Variants in RAD51B observed in about 807,000 individuals in gnomAD.
RAD51B encodes the protein RAD51 paralog B, also known as DNA repair protein RAD51 homolog 2.
RAD51B carries 38 observed loss-of-function variants against 42.2 expected under a neutral mutation model. The observed-to-expected ratio is 0.90, with a 90% CI of 0.70 to 1.18. RAD51B has a LOEUF of 1.18. Among genes scored for constraint, RAD51B ranks in the 50% most tolerant of loss-of-function variants. The pLI is 0.00. For missense variants in RAD51B, 373 were observed against 400.7 expected, an observed-to-expected ratio of 0.93 and a Z score of 0.59; for synonymous variants, 154 against 145.2, an observed-to-expected ratio of 1.06 and a Z score of -0.43.
At chr14:68,667,063 T>C (rs1893046102) in intron 11 of RAD51B, among the ~76,000 whole-genome samples, 1 of 152,230 alleles carries the variant, frequency 6.6e-6, no homozygotes, top group South Asian at 2.1e-4. Flanking sequence ...CACAGCAGCA[T>C]AACCTTTCAC....
intron 7 of RAD51B, among the ~76,000 whole-genome samples, chr14:67,973,146 A>T (rs1422975659): frequency 2.6e-5 from 4 of 152,138 alleles, no homozygotes; most frequent in Admixed American, 6.6e-5. Context: ...CACCCTGGTA[A>T]AAATTCTGGC....
chr14:68,032,319 A>G (rs2076060070), intron 7 of RAD51B, among the ~76,000 whole-genome samples: 1 of 149,652 alleles, frequency 6.7e-6, no homozygotes, highest in South Asian at 2.1e-4. Context: ...AGTATTTAGC[A>G]CTCTCTCTCT....
intron 8 of RAD51B, among the ~76,000 whole-genome samples, chr14:68,308,829 A>G (rs2081917730): frequency 1.3e-5 from 2 of 152,134 alleles, no homozygotes; most frequent in Non-Finnish European, 2.9e-5. Flanking sequence ...AGCCTGAACA[A>G]TGGAGCTTAA....
intron 7 of RAD51B, among the ~76,000 whole-genome samples, chr14:68,247,071 C>G (rs1295788101): frequency 6.6e-6 from 1 of 152,142 alleles, no homozygotes; most frequent in Non-Finnish European, 1.5e-5. Flanking sequence ...TCTTCATAAT[C>G]TAGGCACAGA....
chr14:68,637,798 C>T (rs1289724046), intron 10 of RAD51B, among the ~76,000 whole-genome samples: 2 of 152,182 alleles, frequency 1.3e-5, no homozygotes, highest in South Asian at 4.1e-4. Context: ...TCATGAGGAC[C>T]TCTTCACATA....
At chr14:68,306,591 T>G (rs778077382) in intron 8 of RAD51B, 1 of 511,346 alleles carries the variant, frequency 2.0e-6, no homozygotes, top group Non-Finnish European at 3.9e-6. Flanking sequence ...CAATTTGCAT[T>G]GGAAACCACA....
chr14:68,625,265 G>T (rs1892051296), intron 10 of RAD51B, among the ~76,000 whole-genome samples: 3 of 152,130 alleles, frequency 2.0e-5, no homozygotes, highest in Non-Finnish European at 4.4e-5. Flanking sequence ...GTGTATCGGA[G>T]CTACAACTCC....
chr14:67,835,035 A>G (rs756157138), intron 3 of RAD51B, 45 bp from the exon 4 acceptor site: 3 of 1,406,014 alleles, frequency 2.1e-6, no homozygotes, highest in Non-Finnish European at 3.0e-6. Context: ...ATGTTTTTGA[A>G]TATATATAGA....
At chr14:68,365,650 A>G (rs540072468) in intron 8 of RAD51B, among the ~76,000 whole-genome samples, 1 of 152,376 alleles carries the variant, frequency 6.6e-6, no homozygotes, top group African/African-American at 2.4e-5. Flanking sequence ...TCTAAAAAAC[A>G]AATTTTTTAA....
At chr14:68,212,894 A>G (rs2079739669) in intron 7 of RAD51B, among the ~76,000 whole-genome samples, 1 of 152,104 alleles carries the variant, frequency 6.6e-6, no homozygotes, top group South Asian at 2.1e-4. Flanking sequence ...ATAGATTTTT[A>G]TTTCTGGGAG....
intron 7 of RAD51B, among the ~76,000 whole-genome samples, chr14:68,128,860 A>T (rs1237371790): frequency 1.3e-5 from 2 of 152,214 alleles, no homozygotes; most frequent in Non-Finnish European, 2.9e-5. Context: ...GTTAACATGT[A>T]GTTTTTCATT....
At chr14:68,199,509 A>G (rs931833213) in intron 7 of RAD51B, among the ~76,000 whole-genome samples, 4 of 152,202 alleles carry the variant, frequency 2.6e-5, no homozygotes, top group Admixed American at 1.3e-4. Context: ...CCAATCTTCT[A>G]GTCAGTCTTT....
intron 7 of RAD51B, among the ~76,000 whole-genome samples, chr14:68,023,640 G>T (rs752015209): frequency 2.0e-5 from 3 of 152,116 alleles, no homozygotes; most frequent in Non-Finnish European, 4.4e-5. Context: ...TTTTTGGTAT[G>T]TCTTCTTTTG....
At chr14:68,113,725 T>C (rs1368095216) in intron 7 of RAD51B, 1 of 152,124 alleles carries the variant, frequency 6.6e-6, no homozygotes, top group Non-Finnish European at 1.5e-5. Context: ...ATTATCTGGA[T>C]ACCAGGGTGA....
In RAD51B at chr14:68,611,462, C is replaced by T. The variant is rs940830927; in HGVS notation, c.*215C>T. ...ATCCCCACGTGAGATCTCATTTCCT[C>T]CAGCTGGGTCTTCTGCAGAGTGATT... On this transcript the variant is annotated 3_prime_UTR_variant, in exon 11 of 11. Transcript: ENST00000487861. 4.6e-5 allele frequency: 26 copies of T among 570,138 alleles called. No homozygotes were observed. In the South Asian group the frequency reaches 5.3e-4, roughly 12 times the overall value. 35.3% of individuals were successfully genotyped at this position (570,138 alleles called of 1,614,324 possible).
At chr14:67,990,420 T>C (rs545600003) in intron 7 of RAD51B, among the ~76,000 whole-genome samples, 3 of 152,358 alleles carry the variant, frequency 2.0e-5, no homozygotes, top group Non-Finnish European at 2.9e-5. Flanking sequence ...ATATTTCATG[T>C]GTTTTTATCC....
chr14:68,633,904 T>C (rs1892289550), intron 10 of RAD51B, among the ~76,000 whole-genome samples: 1 of 152,222 alleles, frequency 6.6e-6, no homozygotes, highest in Non-Finnish European at 1.5e-5. Flanking sequence ...TCAGGCTCAC[T>C]TGGGTGGTAG....
intron 11 of RAD51B, among the ~76,000 whole-genome samples, chr14:68,672,373 A>G (rs1893176831): frequency 6.6e-6 from 1 of 152,218 alleles, no homozygotes; most frequent in Non-Finnish European, 1.5e-5. Flanking sequence ...CAAAACTTCC[A>G]TCAGAGAATT....
At chr14:68,562,352 T>A (rs1023381163) in intron 10 of RAD51B, 3 of 985,368 alleles carry the variant, frequency 3.0e-6, no homozygotes, top group Non-Finnish European at 3.6e-6. Flanking sequence ...ACAGGGAGTT[T>A]AAGGTGGGAA....
Sources: allele counts gnomAD v4.1 joint callset (sites outside exome capture counted in the v4.1 genomes callset), GRCh38; gene constraint gnomAD v4.1.1; transcripts MANE v1.5; gene names NCBI Gene and HGNC (gene_info 2026-07-23, HGNC 2026-07-21).